Variants in ERBB4 observed in about 807,000 individuals in gnomAD.
ERBB4 encodes erb-b2 receptor tyrosine kinase 4.
Under a neutral mutation model 158.0 loss-of-function variants are expected in ERBB4, and 42 were observed. The ratio of observed to expected loss-of-function variants is 0.27; its 90% CI spans 0.21 to 0.34. The LOEUF (loss-of-function observed/expected upper bound fraction) is 0.34. Ranked by LOEUF, ERBB4 falls within the 10% of genes least tolerant of loss-of-function variation. ERBB4 has a pLI of 1.00. For missense variants in ERBB4, 1,333 were observed against 1,624.1 expected (o/e 0.82, Z 3.08); for synonymous variants, 583 against 558.7 (o/e 1.04, Z -0.61).
At chr2:212,532,842 T>G (rs575835098) in intron 1 of ERBB4, among the ~76,000 whole-genome samples, 17 of 152,310 alleles carry the variant, frequency 1.1e-4, no homozygotes, top group African/African-American at 3.8e-4. Context: ...TGGAAATAAC[T>G]CTAAAACAAT....
At chr2:212,432,523 T>TTTA (rs1314123267) in intron 1 of ERBB4, among the ~76,000 whole-genome samples, 6 of 152,130 alleles carry the variant, frequency 3.9e-5, no homozygotes, top group Non-Finnish European at 5.9e-5. Context: ...TTCTGCTAAG[T>TTTA]GTTAAGTAAC....
chr2:211,389,483 G>A (rs2062756967), intron 25 of ERBB4, among the ~76,000 whole-genome samples: 1 of 152,098 alleles, frequency 6.6e-6, no homozygotes, highest in Non-Finnish European at 1.5e-5. Context: ...TTAGTCTGCT[G>A]GACTAATCAA....
At chr2:211,776,599 C>G (rs112219013) in intron 4 of ERBB4, among the ~76,000 whole-genome samples, 468 of 152,244 alleles carry the variant, frequency 3.1e-3, no homozygotes, top group Non-Finnish European at 5.3e-3. Context: ...TTTTCACTGT[C>G]TTGCTTTGAA....
chr2:212,191,062 C>T (rs1289685971), intron 1 of ERBB4, among the ~76,000 whole-genome samples: 1 of 151,306 alleles, frequency 6.6e-6, no homozygotes, highest in Non-Finnish European at 1.5e-5. Flanking sequence ...AAAGATAAAC[C>T]ACTGTATAAC....
At chr2:211,639,874 C>A (rs577748596) in intron 16 of ERBB4, among the ~76,000 whole-genome samples, 3 of 152,058 alleles carry the variant, frequency 2.0e-5, no homozygotes, top group Non-Finnish European at 2.9e-5. Context: ...GGCACCCCCC[C>A]ACCATGCCCA....
intron 4 of ERBB4, among the ~76,000 whole-genome samples, chr2:211,782,508 A>G (rs557120019): frequency 6.6e-6 from 1 of 152,286 alleles, no homozygotes; most frequent in African/African-American, 2.4e-5. Context: ...CTGAGGGCAT[A>G]GATGACTTGC....
chr2:211,934,648 T>G (rs2080263516), intron 3 of ERBB4, among the ~76,000 whole-genome samples: 1 of 151,808 alleles, frequency 6.6e-6, no homozygotes, highest in Non-Finnish European at 1.5e-5. Flanking sequence ...AGTAACAAAA[T>G]AAAACACGCT....
intron 1 of ERBB4, among the ~76,000 whole-genome samples, chr2:212,384,610 T>C (rs80317640): frequency 9.9e-5 from 15 of 151,782 alleles, no homozygotes; most frequent in African/African-American, 3.4e-4. Flanking sequence ...AGCTACATTT[T>C]AGTTTTATAA....
At chr2:212,433,470 T>A (rs998626590) in intron 1 of ERBB4, among the ~76,000 whole-genome samples, 1 of 152,024 alleles carries the variant, frequency 6.6e-6, no homozygotes, top group African/African-American at 2.4e-5. Context: ...GGCCAACATA[T>A]TCAATCACCT....
chr2:212,171,066 G>T (rs1452301484), intron 1 of ERBB4, among the ~76,000 whole-genome samples: 1 of 152,070 alleles, frequency 6.6e-6, no homozygotes, highest in African/African-American at 2.4e-5. Flanking sequence ...AGCCAGGAGG[G>T]GGAATATGAC....
intron 2 of ERBB4, among the ~76,000 whole-genome samples, chr2:212,111,431 G>C (rs1324833983): frequency 6.6e-6 from 1 of 152,008 alleles, no homozygotes; most frequent in Non-Finnish European, 1.5e-5. Flanking sequence ...AGTCTTAAAG[G>C]CTCCCCACAA....
intron 19 of ERBB4, among the ~76,000 whole-genome samples, chr2:211,566,260 C>G (rs1165025223): frequency 6.6e-6 from 1 of 152,108 alleles, no homozygotes; most frequent in Non-Finnish European, 1.5e-5. Flanking sequence ...GGAGTGGGAC[C>G]TCTCCAATGG....
At chr2:211,684,263 C>A (rs564774343) in intron 12 of ERBB4, among the ~76,000 whole-genome samples, 1 of 152,024 alleles carries the variant, frequency 6.6e-6, no homozygotes, top group Non-Finnish European at 1.5e-5. Context: ...ACCAGCATGG[C>A]CAACATGATG....
At chr2:211,696,236 G>A (rs777320932) in intron 12 of ERBB4, among the ~76,000 whole-genome samples, 50 of 151,234 alleles carry the variant, frequency 3.3e-4, no homozygotes, top group Admixed American at 2.5e-3. Flanking sequence ...TCAGCCTCCC[G>A]AGTAGCTGGG....
At chr2:212,056,004 C>G (rs2077554861) in intron 2 of ERBB4, among the ~76,000 whole-genome samples, 1 of 152,116 alleles carries the variant, frequency 6.6e-6, no homozygotes, top group Non-Finnish European at 1.5e-5. Context: ...AGTCTGAACC[C>G]ATCGCAAAGA....
chr2:212,295,541 C>G (rs2086380090), intron 1 of ERBB4, among the ~76,000 whole-genome samples: 1 of 152,042 alleles, frequency 6.6e-6, no homozygotes, highest in South Asian at 2.1e-4. Flanking sequence ...TTATTGTACA[C>G]TATGCCGCCA....
intron 1 of ERBB4, among the ~76,000 whole-genome samples, chr2:212,505,500 G>C (rs948018595): frequency 7.9e-6 from 1 of 126,374 alleles, no homozygotes; most frequent in Admixed American, 7.7e-5. Flanking sequence ...TATAAAATTG[G>C]AAAGTATCAT....
At chr2:212,303,247 G>A (rs1418805419) in intron 1 of ERBB4, among the ~76,000 whole-genome samples, 5 of 151,348 alleles carry the variant, frequency 3.3e-5, no homozygotes, top group Non-Finnish European at 1.5e-5. Flanking sequence ...AGTGCTTAAT[G>A]GATTAGGGAG....
intron 1 of ERBB4, among the ~76,000 whole-genome samples, chr2:212,410,871 T>G (rs916257097): frequency 6.6e-6 from 1 of 152,084 alleles, no homozygotes; most frequent in Non-Finnish European, 1.5e-5. Context: ...CATATTCAGA[T>G]AGTTTCTCAA....
Sources: allele counts gnomAD v4.1 joint callset (sites outside exome capture counted in the v4.1 genomes callset), GRCh38; gene constraint gnomAD v4.1.1; transcripts MANE v1.5; gene names NCBI Gene and HGNC (gene_info 2026-07-23, HGNC 2026-07-21).